ACACB: variants seen among roughly 807,000 people sequenced by gnomAD.
ACACB encodes the protein acetyl-CoA carboxylase beta.
ACACB carries 209 observed loss-of-function variants against 278.8 expected under a neutral mutation model. The observed-to-expected ratio is 0.75, with a 90% CI of 0.67 to 0.84. The LOEUF (loss-of-function observed/expected upper bound fraction) is 0.84, where lower values mean the gene tolerates loss of function less well. ACACB is among the 40% of genes least tolerant of loss of function. The pLI, the probability that ACACB is intolerant of heterozygous loss-of-function variation, is 0.00. For synonymous variants in ACACB, 1,174 were observed against 1,285.6 expected (o/e 0.91, Z 1.86); for missense variants, 2,850 against 3,269.0 (o/e 0.87, Z 3.13).
chr12:109,130,368 G>A (rs971562356), intron 1 of ACACB, among the ~76,000 whole-genome samples: 3 of 152,208 alleles, frequency 2.0e-5, no homozygotes. Flanking sequence ...TGGCAGAACC[G>A]ACATGTGAAC....
intron 2 of ACACB, among the ~76,000 whole-genome samples, chr12:109,147,415 T>C (rs1202033903): frequency 1.4e-5 from 2 of 138,988 alleles, no homozygotes; most frequent in Admixed American, 1.5e-4. Context: ...TTTTTTTTTT[T>C]AGTATTTTTA....
Position 109,241,802 on chromosome 12 carries a change from A to G in ACACB, c.5022+521A>G, listed in dbSNP as rs568920009. 2.3e-4 allele frequency: 38 copies of G among 167,908 alleles called. No individual in the cohort carries two copies. In the South Asian group the frequency reaches 6.0e-3, roughly 26 times the overall value. 10.4% of individuals were successfully genotyped at this position (167,908 alleles called of 1,614,324 possible). ...TCTTTTGACTGCCATTTAAATTCCTATGTGTGTACATAAAAATATACATAT... is the reference window on the plus strand; with the variant it reads ...TCTTTTGACTGCCATTTAAATTCCTGTGTGTGTACATAAAAATATACATAT... On this transcript the variant is annotated intron_variant, in intron 36 of 52. Transcript: ENST00000338432.
chr12:109,245,702 C>CT lies in ACACB; in HGVS notation c.5256dup (p.Gln1753SerfsTer15), dbSNP rs2046921885. On this transcript the variant is annotated frameshift_variant, in exon 38 of 53. Transcript: ENST00000338432. LOFTEE classifies it high-confidence loss of function. ...ACATACACTGAATTAGTGTTGGACT[C>CT]TCAGGGCCAGCTGGTGGAGATGAAC... 6.2e-7 allele frequency: 1 copy of CT among 1,614,164 alleles called. No individual in the cohort carries two copies. Among genetic ancestry groups the CT allele is most frequent in the East Asian group, 2.2e-5 (1 of 44,888 alleles).
In ACACB at chr12:109,153,817, C is replaced by T. The variant is rs192293578; in HGVS notation, c.654-13044C>T. Among the ~76,000 whole-genome samples, 214 of 152,248 alleles carry T rather than the reference C, an allele frequency of 1.4e-3. 2 individuals carry two copies. Among genetic ancestry groups the T allele is most frequent in the East Asian group, 1.4e-3 (7 of 5,182 alleles). On this transcript the variant is annotated intron_variant, in intron 2 of 52. Transcript: ENST00000338432. ...AGCTGGGACTACAGGTGTGCACCAC[C>T]ATGCCCGGCTAATTTTTGTATTATT...
chr12:109,262,984 T>TATATATATATATA, intron 49 of ACACB: 1 of 32,130 alleles, frequency 3.1e-5, no homozygotes, highest in East Asian at 1.5e-3. Flanking sequence ...ATATATATAT[T>TATATATATATATA]GCCATCGTGA....
rs1028006329 is a variant in ACACB at position 109,176,057 on chromosome 12, TG to T, written c.1326+22del. 1.7e-5 allele frequency: 27 copies of T among 1,613,498 alleles called. No individual in the cohort carries two copies. Among genetic ancestry groups the T allele is most frequent in the Non-Finnish European group, 2.1e-5 (25 of 1,179,520 alleles). ...GGCTTGGAGGTAAATGCAGAGCCTG[TG>T]GGGGCCAGGGGAGCCAGAACCGAAC... On this transcript the variant is annotated intron_variant, in intron 8 of 52. Coordinates refer to ENST00000338432, the MANE Select transcript of ACACB (RefSeq NM_001093.4).
At position 109,139,824 on chromosome 12, in the gene ACACB, A is replaced by G. The variant is rs761464809; in HGVS notation, c.419A>G (p.Gln140Arg). The G allele has an allele frequency of 6.8e-6, 11 of 1,614,206 alleles. No individual in the cohort carries two copies. The Admixed American group carries it at 1.7e-4, about 24-fold the overall frequency. ...TNGLSSSARP[Q>R]GQQAGSPSKE... Reference sequence around the variant, plus strand: ...GGCCTGTCCTCCTCAGCCAGGCCCCAGGGCCAGCAAGCTGGCTCCCCCTCC... The same window carrying G: ...GGCCTGTCCTCCTCAGCCAGGCCCCGGGGCCAGCAAGCTGGCTCCCCCTCC... The change falls in exon 2 of 53, where the codon CAG becomes CGG. Residue 140 changes from glutamine (Q) to arginine (R), a missense_variant. Around this residue, in one of 3 missense-constraint regions of ACACB, gnomAD observed 2,265 missense variants for 2,561.3 expected, o/e 0.88. Coordinates refer to ENST00000338432, the MANE Select transcript of ACACB (RefSeq NM_001093.4).
chr12:109,151,546 T>C (rs2043375861), intron 2 of ACACB, among the ~76,000 whole-genome samples: 2 of 152,196 alleles, frequency 1.3e-5, no homozygotes, highest in Non-Finnish European at 2.9e-5. Flanking sequence ...GATAATTTTA[T>C]AGTTGAGGAA....
At chr12:109,194,721 G>A (rs771336355) in intron 16 of ACACB, among the ~76,000 whole-genome samples, 1 of 151,756 alleles carries the variant, frequency 6.6e-6, no homozygotes, top group African/African-American at 2.4e-5. Context: ...TGGATTTAGC[G>A]TCCACCCTAA....
intron 48 of ACACB, among the ~76,000 whole-genome samples, chr12:109,261,484 C>T (rs2047374627): frequency 6.6e-6 from 1 of 152,092 alleles, no homozygotes; most frequent in Non-Finnish European, 1.5e-5. Context: ...ATGCTGGCCA[C>T]CAGGAAGCTC....
chr12:109,123,340 T>A (rs2042597331), intron 1 of ACACB, among the ~76,000 whole-genome samples: 1 of 151,998 alleles, frequency 6.6e-6, no homozygotes, highest in African/African-American at 2.4e-5. Flanking sequence ...AACATGCATG[T>A]CATTAATTAG....
At chr12:109,215,544 A>G (rs1282044820) in intron 22 of ACACB, among the ~76,000 whole-genome samples, 2 of 152,300 alleles carry the variant, frequency 1.3e-5, no homozygotes, top group East Asian at 1.9e-4. Flanking sequence ...CAGCCGGATC[A>G]TGAGGTCAGG....
intron 37 of ACACB, among the ~76,000 whole-genome samples, chr12:109,243,326 CA>C (rs1453090770): frequency 6.6e-6 from 1 of 152,158 alleles, no homozygotes; most frequent in Non-Finnish European, 1.5e-5. Context: ...GGGTTGGGCA[CA>C]GTGGCTCACG....
rs866841621 is a variant in ACACB at position 109,140,292 on chromosome 12, T to A, written c.653+234T>A. ...CTTCTTTCCTTCCTTCCTTCCTTCC[T>A]TCCTTCCTTCCTTCCTTCCTTCCTT... On this transcript the variant is annotated intron_variant, in intron 2 of 52. Coordinates refer to ENST00000338432, the MANE Select transcript of ACACB (RefSeq NM_001093.4). 5.9e-3 allele frequency among the ~76,000 whole-genome samples: 682 copies of A among 116,182 alleles called. 21 individuals carry two copies. Among genetic ancestry groups the A allele is most frequent in the African/African-American group, 0.017 (518 of 30,386 alleles). 76.2% of individuals were successfully genotyped at this position (116,182 alleles called of 152,430 possible).
intron 1 of ACACB, among the ~76,000 whole-genome samples, chr12:109,120,451 T>C (rs1331781495): frequency 1.3e-5 from 2 of 152,100 alleles, no homozygotes; most frequent in African/African-American, 4.8e-5. Flanking sequence ...GCCTTCCTCA[T>C]CTCCTTGCAG....
At chr12:109,131,408 G>A (rs1236497004) in intron 1 of ACACB, 2 of 152,590 alleles carry the variant, frequency 1.3e-5, no homozygotes, top group African/African-American at 2.4e-5. Context: ...TGGAGCTGGT[G>A]GCTGCATCCC....
chr12:109,217,110 C>T (rs1317596826), intron 24 of ACACB, among the ~76,000 whole-genome samples, 190 bp downstream of exon 24: 22 of 151,992 alleles, frequency 1.4e-4, no homozygotes, highest in African/African-American at 3.4e-4. Flanking sequence ...AGTGAAACCT[C>T]GTCTCCACTA....
At chr12:109,210,647 G>A (rs1208353202) in intron 21 of ACACB, among the ~76,000 whole-genome samples, 2 of 150,852 alleles carry the variant, frequency 1.3e-5, no homozygotes, top group African/African-American at 4.9e-5. Context: ...GGGTGCATTG[G>A]CTCACGCCTG....
Position 109,140,035 on chromosome 12 carries a change from T to C in ACACB, c.630T>C (p.Ala210=). The C allele has an allele frequency of 2.5e-6, 4 of 1,601,114 alleles. No individual in the cohort carries two copies. Among genetic ancestry groups the C allele is most frequent in the Non-Finnish European group, 3.4e-6 (4 of 1,177,248 alleles). ...SLEAYLTTGE[A]ETRVPTMRPS... ...AGGCTTATCTGACCACAGGTGAAGCTGAGACCCGCGTCCCCACTATGAGGT... is the reference window on the plus strand; with the variant it reads ...AGGCTTATCTGACCACAGGTGAAGCCGAGACCCGCGTCCCCACTATGAGGT... Residue 210 remains alanine, a synonymous_variant, in exon 2 of 53, where the codon GCT becomes GCC. Transcript: ENST00000338432.
Sources: gnomAD v4.1 joint callset for allele counts (sites outside exome capture counted in the v4.1 genomes callset) on GRCh38, gnomAD v4.1.1 for gene constraint, gnomAD v4.1.1 regional missense constraint, MANE v1.5 for transcripts, NCBI Gene and HGNC (gene_info 2026-07-23, HGNC 2026-07-21) for gene names.